BACE2: variants seen among roughly 807,000 people sequenced by gnomAD.
BACE2 encodes the protein beta-secretase 2.
BACE2 carries 17 observed loss-of-function variants against 46.2 expected under a neutral mutation model. That is an observed-to-expected ratio of 0.37 (90% confidence interval 0.25 to 0.55). The LOEUF (loss-of-function observed/expected upper bound fraction) is 0.55, where lower values mean the gene tolerates loss of function less well. Among genes scored for constraint, BACE2 ranks in the 20% least tolerant of loss-of-function variants. The probability of loss-of-function intolerance (pLI) is 0.82; values close to 1 mark genes in which losing one functional copy is unlikely to be tolerated. For synonymous variants in BACE2, 277 were observed against 295.9 expected (o/e 0.94, Z 0.66); for missense variants, 595 against 698.1 (o/e 0.85, Z 1.66).
At chr21:41,234,779 C>T (rs182343523) in intron 2 of BACE2, among the ~76,000 whole-genome samples, 8 of 152,340 alleles carry the variant, frequency 5.3e-5, no homozygotes, top group East Asian at 3.9e-4. Context: ...CTTGGCATTC[C>T]GCCAATCTTC....
At chr21:41,226,496 G>A in intron 2 of BACE2, 142 bp downstream of exon 2, 1 of 675,346 alleles carries the variant, frequency 1.5e-6, no homozygotes, top group Non-Finnish European at 2.6e-6. Flanking sequence ...ATACACACAT[G>A]TGGACATGTG....
chr21:41,227,512 A>G (rs1986854991), intron 2 of BACE2, among the ~76,000 whole-genome samples: 1 of 152,228 alleles, frequency 6.6e-6, no homozygotes, highest in African/African-American at 2.4e-5. Flanking sequence ...AGCATAGAGG[A>G]AACCCTGTAT....
At position 41,250,796 on chromosome 21, in the gene BACE2, G is replaced by T; in HGVS notation, c.1029G>T (p.Ala343=). 2 of 1,614,108 alleles carry T rather than the reference G, an allele frequency of 1.2e-6. No individual in the cohort carries two copies. Among genetic ancestry groups the T allele is most frequent in the South Asian group, 1.1e-5 (1 of 91,072 alleles). ...GTTTCTGGACTGGGTCCCAGCTGGC[G>T]TGCTGGACGAATTCGGAAACACCTT... ...SDGFWTGSQL[A]CWTNSETPWS... Residue 343 remains alanine, a synonymous_variant, in exon 7 of 9, where the codon GCG becomes GCT. Transcript: ENST00000330333.
At chr21:41,228,210 T>C (rs1986874078) in intron 2 of BACE2, among the ~76,000 whole-genome samples, 1 of 152,248 alleles carries the variant, frequency 6.6e-6, no homozygotes, top group African/African-American at 2.4e-5. Flanking sequence ...TATAACCGGC[T>C]AATCAGTACC....
chr21:41,271,770 G>T (rs924118596), intron 8 of BACE2, among the ~76,000 whole-genome samples: 1 of 151,978 alleles, frequency 6.6e-6, no homozygotes, highest in Non-Finnish European at 1.5e-5. Context: ...TCTTGCCTTC[G>T]GTCCTTTGTG....
At chr21:41,199,401 G>A (rs996403353) in intron 1 of BACE2, among the ~76,000 whole-genome samples, 1 of 152,062 alleles carries the variant, frequency 6.6e-6, no homozygotes, top group Non-Finnish European at 1.5e-5. Context: ...GCAGCTGCTC[G>A]GGGGTCTGCA....
At chr21:41,173,513 G>A (rs539979973) in intron 1 of BACE2, among the ~76,000 whole-genome samples, 3 of 152,158 alleles carry the variant, frequency 2.0e-5, no homozygotes, top group Non-Finnish European at 4.4e-5. Flanking sequence ...AGGCTGAGGC[G>A]GGCGGGTCAC....
intron 8 of BACE2, among the ~76,000 whole-genome samples, chr21:41,270,054 T>C (rs8134924): frequency 1.5e-3 from 225 of 152,364 alleles, no homozygotes; most frequent in African/African-American, 5.0e-3. Context: ...AGCGGTCTCA[T>C]CGTGGCTTTA....
chr21:41,171,842 C>G (rs189049062), intron 1 of BACE2, among the ~76,000 whole-genome samples: 1 of 152,306 alleles, frequency 6.6e-6, no homozygotes, highest in East Asian at 1.9e-4. Flanking sequence ...CAAAACTATT[C>G]TCATACCTGA....
chr21:41,216,569 C>G (rs78617956), intron 1 of BACE2, among the ~76,000 whole-genome samples: 8 of 152,212 alleles, frequency 5.3e-5, no homozygotes, highest in Non-Finnish European at 7.3e-5. Context: ...AGTGACACCC[C>G]CTGAGAGGCA....
At position 41,281,095 on chromosome 21, in the gene BACE2, T is replaced by C. The variant is rs1240533571; in HGVS notation, c.*5471T>C. The C allele has an allele frequency of 1.3e-5, 2 of 152,262 alleles. No homozygotes were observed. The highest frequency in any genetic ancestry group is 2.9e-5 in the Non-Finnish European group (2 of 68,078). The allele number at this position is 152,262 out of a possible 1,614,324, so 9.4% of individuals were successfully genotyped here. ...GCCAGCATCTTGGGGAACGCTGTGA[T>C]GGTAAAATATCTGTCTCTCCTCTGG... On this transcript the variant is annotated 3_prime_UTR_variant, in exon 9 of 9. Transcript: ENST00000330333.
chr21:41,185,969 A>G (rs868681225), intron 1 of BACE2, among the ~76,000 whole-genome samples: 1 of 152,244 alleles, frequency 6.6e-6, no homozygotes, highest in African/African-American at 2.4e-5. Context: ...CAAACAAGAC[A>G]TACATGTTAG....
Position 41,279,737 on chromosome 21 carries a change from G to T in BACE2, c.*4113G>T. On this transcript the variant is annotated 3_prime_UTR_variant, in exon 9 of 9. Transcript: ENST00000330333. Reference sequence around the variant, plus strand: ...TCAGGAATATTCAAGCGGGAGTCATGTGTAAGTGACAGCTTTGACAAAGAG... The same window carrying T: ...TCAGGAATATTCAAGCGGGAGTCATTTGTAAGTGACAGCTTTGACAAAGAG... The T allele has an allele frequency of 6.6e-6, 1 of 152,470 alleles. No homozygotes were observed. Among genetic ancestry groups the T allele is most frequent in the Non-Finnish European group, 1.5e-5 (1 of 68,080 alleles). 9.4% of individuals were successfully genotyped at this position (152,470 alleles called of 1,614,324 possible). A position where few individuals can be genotyped will look rare whatever the true frequency, so the allele number is the denominator to read the frequency against.
intron 2 of BACE2, among the ~76,000 whole-genome samples, chr21:41,231,776 C>T (rs923667909): frequency 6.6e-6 from 1 of 152,146 alleles, no homozygotes; most frequent in Non-Finnish European, 1.5e-5. Flanking sequence ...CAAGGAGAAG[C>T]CCATCCAGGT....
At chr21:41,228,878 C>T (rs760190647) in intron 2 of BACE2, among the ~76,000 whole-genome samples, 4 of 152,168 alleles carry the variant, frequency 2.6e-5, no homozygotes, top group Non-Finnish European at 5.9e-5. Flanking sequence ...TCCATAGTAG[C>T]GAATATGCAA....
intron 8 of BACE2, among the ~76,000 whole-genome samples, chr21:41,268,133 T>C (rs1211579083): frequency 6.6e-6 from 1 of 152,218 alleles, no homozygotes; most frequent in African/African-American, 2.4e-5. Flanking sequence ...CCCAGGACTG[T>C]ACTAAGTGCT....
intron 2 of BACE2, among the ~76,000 whole-genome samples, chr21:41,234,527 G>A (rs569270285): frequency 2.6e-5 from 4 of 152,280 alleles, no homozygotes; most frequent in South Asian, 2.1e-4. Context: ...GAGATCCCAT[G>A]GCCTACAAAC....
At chr21:41,225,930 C>G (rs898127709) in intron 1 of BACE2, among the ~76,000 whole-genome samples, 1 of 151,986 alleles carries the variant, frequency 6.6e-6, no homozygotes, top group Non-Finnish European at 1.5e-5. Context: ...TAAACCTGGC[C>G]GAAAGCCCAG....
At position 41,237,660 on chromosome 21, in the gene BACE2, A is replaced by C; in HGVS notation, c.549A>C (p.Ser183=). The C allele has an allele frequency of 6.2e-7, 1 of 1,614,192 alleles. No homozygotes were observed. Residue 183 remains serine (S), a synonymous_variant, in exon 3 of 9, where the codon TCA becomes TCC. Coordinates refer to ENST00000330333, the MANE Select transcript of BACE2 (RefSeq NM_012105.5). ...TCAACATTGCCACTATTTTTGAATC[A>C]GAGAATTTCTTTTTGCCTGGGATTA... The part of the protein sequence containing the change: ...FLVNIATIFE[S]ENFFLPGIKW...
Sources: allele counts gnomAD v4.1 joint callset (sites outside exome capture counted in the v4.1 genomes callset), GRCh38; gene constraint gnomAD v4.1.1; transcripts MANE v1.5; gene names NCBI Gene and HGNC (gene_info 2026-07-23, HGNC 2026-07-21).